Variants in SH3D19 observed in about 807,000 individuals in gnomAD.
SH3D19 encodes the protein SH3 domain containing 19.
A neutral mutation model predicts 112.1 loss-of-function variants in SH3D19; 58 were observed. That is an observed-to-expected ratio of 0.52 (90% CI 0.42 to 0.64). The LOEUF (loss-of-function observed/expected upper bound fraction) is 0.64, where lower values mean the gene tolerates loss of function less well. Ranked by LOEUF, SH3D19 falls within the 30% of genes least tolerant of loss-of-function variation. The probability of loss-of-function intolerance (pLI) is 0.00; values close to 1 mark genes in which losing one functional copy is unlikely to be tolerated. For synonymous variants in SH3D19, 391 were observed against 448.5 expected (o/e 0.87, Z 1.62); for missense variants, 1,090 against 1,263.4 (o/e 0.86, Z 2.08).
intron 1 of SH3D19, among the ~76,000 whole-genome samples, chr4:151,280,768 C>G (rs112824453): frequency 6.6e-6 from 1 of 150,820 alleles, no homozygotes; most frequent in African/African-American, 2.4e-5. Context: ...CCAGCCTGGG[C>G]GACAGAGTGA....
At chr4:151,318,472 A>C (rs1730233630) in intron 1 of SH3D19, among the ~76,000 whole-genome samples, 1 of 152,160 alleles carries the variant, frequency 6.6e-6, no homozygotes, top group African/African-American at 2.4e-5. Context: ...CATGAATGCC[A>C]AAGAAAAGCA....
intron 1 of SH3D19, among the ~76,000 whole-genome samples, chr4:151,294,716 A>G (rs558165933): frequency 5.2e-5 from 8 of 152,386 alleles, no homozygotes; most frequent in Non-Finnish European, 1.5e-5. Context: ...TACAGTAAAT[A>G]TAACAAATCA....
rs117684716 is a variant in SH3D19, at chr4:151,179,235, T to C, written c.236+120A>G. 971 of 495,924 alleles carry C rather than the reference T, an allele frequency of 2.0e-3. 22 individuals are homozygous for C. The East Asian group carries it at 0.031, about 16-fold the overall frequency. The allele number at this position is 495,924 out of a possible 1,614,324, so 30.7% of individuals were successfully genotyped here. A position where few individuals can be genotyped will look rare whatever the true frequency, so the allele number is the denominator to read the frequency against. ...TAAGTTAATTCAGGAGATATATTGA[T>C]GAAGCAGAATACAAGAATACATTGC... On this transcript the variant is annotated intron_variant, in intron 4 of 19. Coordinates refer to ENST00000604030, the MANE Select transcript of SH3D19 (RefSeq NM_001378122.1).
At chr4:151,223,084 C>T (rs997023333) in intron 2 of SH3D19, among the ~76,000 whole-genome samples, 10 of 140,480 alleles carry the variant, frequency 7.1e-5, no homozygotes, top group Non-Finnish European at 1.4e-4. Flanking sequence ...ATGTTGACTA[C>T]TTGATTTAGA....
At chr4:151,244,158 C>A (rs948488205) in intron 1 of SH3D19, among the ~76,000 whole-genome samples, 1 of 152,102 alleles carries the variant, frequency 6.6e-6, no homozygotes, top group Non-Finnish European at 1.5e-5. Flanking sequence ...AAACAAGACA[C>A]AGACATCTTA....
intron 1 of SH3D19, among the ~76,000 whole-genome samples, chr4:151,260,613 T>TA (rs1470399549): frequency 1.3e-5 from 2 of 152,236 alleles, no homozygotes; most frequent in Non-Finnish European, 2.9e-5. Flanking sequence ...TTTTTAAAGT[T>TA]AGAGGTGAGA....
At chr4:151,144,618 C>G (rs1189285378) in intron 11 of SH3D19, among the ~76,000 whole-genome samples, 1 of 152,178 alleles carries the variant, frequency 6.6e-6, no homozygotes, top group Admixed American at 6.5e-5. Flanking sequence ...AGCACTTGAC[C>G]TCACAGCCAG....
intron 1 of SH3D19, among the ~76,000 whole-genome samples, chr4:151,318,300 CAAAAAAAAAAA>C (rs752720803): frequency 1.8e-5 from 1 of 54,486 alleles, no homozygotes; most frequent in African/African-American, 6.5e-5. Context: ...GACTCTGACT[CAAAAAAAAAAA>C]AAAAAAAAAA....
intron 1 of SH3D19, among the ~76,000 whole-genome samples, chr4:151,275,854 T>A (rs3056172): frequency 0.43 from 56,746 of 131,038 alleles, 11,792 homozygotes; most frequent in Non-Finnish European, 0.52. Flanking sequence ...TATTATTTTT[T>A]TTTTTTTAGA....
chr4:151,277,998 G>A (rs765707731), intron 1 of SH3D19, among the ~76,000 whole-genome samples: 4 of 152,086 alleles, frequency 2.6e-5, no homozygotes, highest in Admixed American at 2.0e-4. Context: ...CCGAGATAGC[G>A]CCACTGCACT....
chr4:151,248,446 G>A (rs1346587355), intron 1 of SH3D19, among the ~76,000 whole-genome samples: 1 of 152,118 alleles, frequency 6.6e-6, no homozygotes, highest in Admixed American at 6.6e-5. Context: ...CTCTAATTAG[G>A]AAGCATTAGT....
At chr4:151,306,417 G>C (rs1728917468) in intron 1 of SH3D19, among the ~76,000 whole-genome samples, 1 of 152,120 alleles carries the variant, frequency 6.6e-6, no homozygotes, top group African/African-American at 2.4e-5. Flanking sequence ...GAGAATTACA[G>C]GAGTTCCTGA....
intron 1 of SH3D19, chr4:151,283,435 T>G (rs1774439367): frequency 6.1e-6 from 4 of 652,744 alleles, no homozygotes; most frequent in Non-Finnish European, 1.0e-5. Context: ...ATCACTTAAC[T>G]TCTATCTGTG....
At chr4:151,208,973 G>A (rs553662260) in intron 2 of SH3D19, among the ~76,000 whole-genome samples, 43 of 152,110 alleles carry the variant, frequency 2.8e-4, no homozygotes, top group South Asian at 6.2e-4. Flanking sequence ...CACCATGCCC[G>A]GCCAGTAAAT....
chr4:151,306,322 C>T (rs1728908916), intron 1 of SH3D19, among the ~76,000 whole-genome samples: 2 of 152,196 alleles, frequency 1.3e-5, no homozygotes, highest in African/African-American at 4.8e-5. Context: ...GGATTCAAAT[C>T]TCAGCTGCAC....
chr4:151,259,986 G>A (rs1268148746), intron 1 of SH3D19, among the ~76,000 whole-genome samples: 1 of 152,100 alleles, frequency 6.6e-6, no homozygotes, highest in Non-Finnish European at 1.5e-5. Flanking sequence ...GCACAATCCT[G>A]AGCCTTCTTC....
chr4:151,189,704 T>C (rs574969452), intron 2 of SH3D19, among the ~76,000 whole-genome samples: 1 of 152,290 alleles, frequency 6.6e-6, no homozygotes, highest in Admixed American at 6.5e-5. Context: ...TCTCCAGCCA[T>C]GTGGAACTGT....
At chr4:151,239,200 G>A (rs941867237) in intron 1 of SH3D19, among the ~76,000 whole-genome samples, 7 of 152,122 alleles carry the variant, frequency 4.6e-5, no homozygotes, top group Non-Finnish European at 8.8e-5. Context: ...ACCACATTTT[G>A]ACTCACATTA....
chr4:151,239,191 C>T (rs1770366091), intron 1 of SH3D19, among the ~76,000 whole-genome samples: 1 of 152,188 alleles, frequency 6.6e-6, no homozygotes, highest in African/African-American at 2.4e-5. Flanking sequence ...TGGGCACTTA[C>T]CACATTTTGA....
Sources: gnomAD v4.1 joint callset for allele counts (sites outside exome capture counted in the v4.1 genomes callset) on GRCh38, gnomAD v4.1.1 for gene constraint, MANE v1.5 for transcripts, NCBI Gene and HGNC (gene_info 2026-07-23, HGNC 2026-07-21) for gene names.